Variants in PLPP1 observed in about 807,000 individuals in gnomAD.
The protein encoded by PLPP1 is phospholipid phosphatase 1, also known as lipid phosphate phosphohydrolase 1a.
PLPP1 carries 24 observed loss-of-function variants against 31.2 expected under a neutral mutation model. The ratio of observed to expected loss-of-function variants is 0.77; its 90% confidence interval spans 0.56 to 1.08. The LOEUF is 1.08. PLPP1 is among the 50% of genes least tolerant of loss of function. The pLI, the probability that PLPP1 is intolerant of heterozygous loss-of-function variation, is 0.00. For missense variants in PLPP1, 319 were observed against 342.7 expected, an observed-to-expected ratio of 0.93 and a Z score of 0.55; for synonymous variants, 146 against 126.3, an observed-to-expected ratio of 1.16 and a Z score of -1.05.
At chr5:55,455,878 A>G (rs958425816) in intron 3 of PLPP1, among the ~76,000 whole-genome samples, 3 of 152,172 alleles carry the variant, frequency 2.0e-5, no homozygotes, top group African/African-American at 7.2e-5. Flanking sequence ...TGGCCCAGCA[A>G]ATCTGTGTTT....
chr5:55,468,692 A>C (rs1752357055), intron 2 of PLPP1, among the ~76,000 whole-genome samples: 1 of 152,110 alleles, frequency 6.6e-6, no homozygotes, highest in Non-Finnish European at 1.5e-5. Flanking sequence ...AATCCCAGCT[A>C]CTTCGGAGGC....
intron 3 of PLPP1, among the ~76,000 whole-genome samples, chr5:55,447,140 A>G (rs977927176): frequency 2.0e-5 from 3 of 152,218 alleles, no homozygotes; most frequent in Non-Finnish European, 4.4e-5. Context: ...TAGCTGAACT[A>G]TTATCAGTAG....
At chr5:55,444,878 T>G (rs2111719992) in intron 3 of PLPP1, among the ~76,000 whole-genome samples, 1 of 151,976 alleles carries the variant, frequency 6.6e-6, no homozygotes, top group Admixed American at 6.6e-5. Flanking sequence ...CCCTCCTGAG[T>G]AGCTGGGACT....
chr5:55,503,161 C>T (rs1246253605), intron 1 of PLPP1, among the ~76,000 whole-genome samples: 2 of 152,216 alleles, frequency 1.3e-5, no homozygotes, highest in Non-Finnish European at 2.9e-5. Flanking sequence ...AGAACTGTTC[C>T]TACCCTCAGG....
intron 1 of PLPP1, among the ~76,000 whole-genome samples, chr5:55,511,650 GTTTTTTTTTTTTTTTTTTT>G (rs1158182340): frequency 1.9e-5 from 1 of 51,448 alleles, no homozygotes; most frequent in Non-Finnish European, 3.4e-5. Context: ...CACGTGTTGA[GTTTTTTTTTTTTTTTTTTT>G]TTTTTTTTTT....
At chr5:55,505,926 G>A (rs989316851) in intron 1 of PLPP1, among the ~76,000 whole-genome samples, 27 of 152,114 alleles carry the variant, frequency 1.8e-4, no homozygotes, top group Non-Finnish European at 3.7e-4. Flanking sequence ...GCATGATGGC[G>A]CATGCCTGTG....
At chr5:55,454,353 C>T (rs1751959885) in intron 3 of PLPP1, among the ~76,000 whole-genome samples, 1 of 152,038 alleles carries the variant, frequency 6.6e-6, no homozygotes, top group African/African-American at 2.4e-5. Flanking sequence ...CCTCATTCTC[C>T]CAGAAGAGTG....
intron 1 of PLPP1, among the ~76,000 whole-genome samples, chr5:55,513,871 A>G (rs946559587): frequency 6.6e-6 from 1 of 152,054 alleles, no homozygotes; most frequent in South Asian, 2.1e-4. Flanking sequence ...GGCTACAGTG[A>G]GCCATGTTTG....
intron 3 of PLPP1, among the ~76,000 whole-genome samples, chr5:55,458,888 A>AAAAAAT (rs1752083931): frequency 2.8e-5 from 2 of 72,184 alleles, no homozygotes; most frequent in Non-Finnish European, 5.3e-5. Context: ...CCCTGTCTCC[A>AAAAAAT]AAAAAAAAAA....
At chr5:55,526,326 A>C (rs1407433341) in intron 1 of PLPP1, among the ~76,000 whole-genome samples, 1 of 152,216 alleles carries the variant, frequency 6.6e-6, no homozygotes, top group East Asian at 1.9e-4. Context: ...CGTTTTCTGA[A>C]CATTTCTATA....
chr5:55,524,343 T>A (rs1227601818), intron 1 of PLPP1, among the ~76,000 whole-genome samples: 5 of 152,174 alleles, frequency 3.3e-5, no homozygotes, highest in Non-Finnish European at 7.4e-5. Flanking sequence ...AAAGCCATCC[T>A]GGGTTGCATG....
At chr5:55,488,779 C>T (rs1752827798) in intron 1 of PLPP1, among the ~76,000 whole-genome samples, 1 of 152,176 alleles carries the variant, frequency 6.6e-6, no homozygotes, top group African/African-American at 2.4e-5. Flanking sequence ...TCTCTTTCTA[C>T]TTTATAATAA....
rs955168467 is a variant in PLPP1 at position 55,450,793 on chromosome 5, C to T, written c.492-8885G>A. Reference sequence around the variant, plus strand: ...TGGATGAAACGAACGATACACTGTGCGTCACTCCTTTGCAGGCAACTGTAA... The same window carrying T: ...TGGATGAAACGAACGATACACTGTGTGTCACTCCTTTGCAGGCAACTGTAA... On this transcript the variant is annotated intron_variant, in intron 3 of 5. Coordinates refer to ENST00000307259, the MANE Select transcript of PLPP1 (RefSeq NM_003711.4). Among the ~76,000 whole-genome samples the T allele has an allele frequency of 6.6e-5, 10 of 152,262 alleles. No individual in the cohort carries two copies. The East Asian group carries it at 1.4e-3, about 21-fold the overall frequency.
intron 4 of PLPP1, among the ~76,000 whole-genome samples, chr5:55,432,800 T>TA (rs70992791): frequency 7.4e-4 from 108 of 145,782 alleles, no homozygotes; most frequent in Admixed American, 3.2e-3. Context: ...CTTCATGATT[T>TA]AAAAAAAAAA....
At chr5:55,511,970 C>T (rs575038253) in intron 1 of PLPP1, among the ~76,000 whole-genome samples, 1 of 150,854 alleles carries the variant, frequency 6.6e-6, no homozygotes, top group South Asian at 2.1e-4. Flanking sequence ...ACTAAAAATA[C>T]AAAAATTAGC....
At chr5:55,436,006 T>A (rs1487606246) in intron 4 of PLPP1, among the ~76,000 whole-genome samples, 2 of 87,238 alleles carry the variant, frequency 2.3e-5, no homozygotes, top group African/African-American at 9.6e-5. Flanking sequence ...AGAGTGAGAC[T>A]CTGTCTCAGA....
intron 1 of PLPP1, among the ~76,000 whole-genome samples, chr5:55,487,008 TTAA>T (rs1055494579): frequency 6.6e-6 from 1 of 152,202 alleles, no homozygotes; most frequent in African/African-American, 2.4e-5. Context: ...TAGAAAAAGT[TTAA>T]TAAGTTGGTC....
intron 1 of PLPP1, among the ~76,000 whole-genome samples, chr5:55,495,047 C>T (rs1383685880): frequency 1.3e-5 from 2 of 150,104 alleles, no homozygotes; most frequent in East Asian, 1.9e-4. Context: ...AGTAGAATCG[C>T]TTGAACCCGG....
At position 55,441,927 on chromosome 5, in the gene PLPP1, A is replaced by G. The variant is rs746246369; in HGVS notation, c.492-19T>C. On this transcript the variant is annotated intron_variant, in intron 3 of 5. Transcript: ENST00000307259. ...GGACAACCTGGAAGAAAAAGAAGAC[A>G]AATGTTACTTTTCTCTCTTAGGAGC... 5 of 1,609,672 alleles carry G rather than the reference A, an allele frequency of 3.1e-6. No individual in the cohort carries two copies. Among genetic ancestry groups the G allele is most frequent in the Admixed American group, 1.7e-5 (1 of 59,982 alleles).
Sources: gnomAD v4.1 joint callset for allele counts (sites outside exome capture counted in the v4.1 genomes callset) on GRCh38, gnomAD v4.1.1 for gene constraint, MANE v1.5 for transcripts, NCBI Gene and HGNC (gene_info 2026-07-23, HGNC 2026-07-21) for gene names.